The following GMEB2 variants were observed in gnomAD, a reference collection of about 807,000 sequenced individuals.
GMEB2 encodes the protein glucocorticoid modulatory element binding protein 2, also known as glucocorticoid modulatory element-binding protein 2.
Under a neutral mutation model 45.7 loss-of-function variants are expected in GMEB2, and 7 were observed. The observed-to-expected ratio is 0.15, with a 90% CI of 0.09 to 0.29. The LOEUF (loss-of-function observed/expected upper bound fraction) is 0.29. GMEB2 is among the 10% of genes least tolerant of loss of function. The pLI is 1.00. For missense variants in GMEB2, 582 were observed against 739.2 expected (o/e 0.79, Z 2.47); for synonymous variants, 322 against 323.6 (o/e 1.00, Z 0.05).
At position 63,588,817 on chromosome 20, in the gene GMEB2, G is replaced by C. The variant is rs1415862360; in HGVS notation, c.*1272C>G. ...CTGTTGGAGACGGCAGGAGGCCTGG[G>C]CTGGCTGCTCCCTGAGATGCCTGCC... On this transcript the variant is annotated 3_prime_UTR_variant, in exon 10 of 10. Coordinates refer to ENST00000370077, the MANE Select transcript of GMEB2 (RefSeq NM_012384.5). 2 of 398,606 alleles carry C rather than the reference G, an allele frequency of 5.0e-6. No homozygotes were observed. Among genetic ancestry groups the C allele is most frequent in the Non-Finnish European group, 4.4e-6 (1 of 226,122 alleles). The allele number at this position is 398,606 out of a possible 1,614,324, so 24.7% of individuals were successfully genotyped here. A position where few individuals can be genotyped will look rare whatever the true frequency, so the allele number is the denominator to read the frequency against.
chr20:63,620,971 G>A (rs940992578), intron 1 of GMEB2, among the ~76,000 whole-genome samples: 2 of 152,130 alleles, frequency 1.3e-5, no homozygotes, highest in African/African-American at 4.8e-5. Context: ...AGCAAACATT[G>A]TCAACCAAGT....
At chr20:63,620,226 T>G (rs1250950302) in intron 1 of GMEB2, among the ~76,000 whole-genome samples, 1 of 152,172 alleles carries the variant, frequency 6.6e-6, no homozygotes, top group Admixed American at 6.5e-5. Flanking sequence ...TTATTATTAT[T>G]TTGTCTTTCC....
Position 63,620,566 on chromosome 20 carries a change from G to A in GMEB2, c.-57-1112C>T, listed in dbSNP as rs1026585417. ...GTCTCTACGTGGTCCTGACCCTAAA[G>A]GGCAAAGGGAAGAAAACTGACCTAC... is the stretch of plus-strand genomic sequence containing the variant. On this transcript the variant is annotated intron_variant, in intron 1 of 9. Transcript: ENST00000370077. Among the ~76,000 whole-genome samples the A allele has an allele frequency of 3.3e-5, 5 of 152,328 alleles. No individual in the cohort carries two copies. The South Asian group carries it at 1.0e-3, about 32-fold the overall frequency.
chr20:63,604,071 C>G (rs140800513), intron 3 of GMEB2, among the ~76,000 whole-genome samples: 2 of 104,006 alleles, frequency 1.9e-5, no homozygotes, highest in African/African-American at 3.7e-5. Flanking sequence ...AAAAAAAAAA[C>G]AGAATTTTTA....
chr20:63,602,981 T>C lies in GMEB2; in HGVS notation c.341A>G (p.Asn114Ser). 1 of 1,614,090 alleles carries C rather than the reference T, an allele frequency of 6.2e-7. No homozygotes were observed. The highest frequency in any genetic ancestry group is 2.2e-5 in the East Asian group (1 of 44,886). ...IWRKFVCPGI[N>S]VKCVQYDEHV... Reference sequence around the variant, plus strand: ...TGTGCTCACCTGAACACATTTCACATTGATGCCGGGACACACAAACTTCCT... The same window carrying C: ...TGTGCTCACCTGAACACATTTCACACTGATGCCGGGACACACAAACTTCCT... Residue 114 changes from asparagine to serine, a missense_variant, in exon 4 of 10, where the codon AAT becomes AGT. Physicochemically the swap from Asn to Ser is conservative, Grantham distance 46 (BLOSUM62 1). Coordinates refer to ENST00000370077, the MANE Select transcript of GMEB2 (RefSeq NM_012384.5).
chr20:63,601,164 T>C (rs868082874), intron 4 of GMEB2, among the ~76,000 whole-genome samples: 1 of 152,222 alleles, frequency 6.6e-6, no homozygotes, highest in Non-Finnish European at 1.5e-5. Context: ...GATAGGTATA[T>C]AGACTCATAG....
chr20:63,605,518 G>A (rs560648674), intron 2 of GMEB2, among the ~76,000 whole-genome samples: 33 of 124,806 alleles, frequency 2.6e-4, no homozygotes, highest in South Asian at 1.4e-3. Context: ...GCAAGATGCC[G>A]TCAAAATTAA....
At chr20:63,602,202 G>A (rs571904796) in intron 4 of GMEB2, among the ~76,000 whole-genome samples, 120 of 152,370 alleles carry the variant, frequency 7.9e-4, no homozygotes, top group African/African-American at 2.6e-3. Flanking sequence ...GGGAGCCACT[G>A]ATAACGACAC....
At chr20:63,595,828 G>C (rs759615633) in intron 5 of GMEB2, 61 bp from the exon 6 acceptor site, 1 of 1,515,056 alleles carries the variant, frequency 6.6e-7, no homozygotes, top group Non-Finnish European at 9.1e-7. Context: ...CACCTGGCCC[G>C]CCCACCCTGA....
chr20:63,593,244 C>G lies in GMEB2; in HGVS notation c.620-162G>C, dbSNP rs2146046625. ...ACTAGTACAGCCAAAGTGTACCTGCCTTATATTTTATGGCTATTTTTAATC... is the reference window on the plus strand; with the variant it reads ...ACTAGTACAGCCAAAGTGTACCTGCGTTATATTTTATGGCTATTTTTAATC... On this transcript the variant is annotated intron_variant, in intron 6 of 9. Transcript: ENST00000370077. This position sits in a 1 kb window ranked among gnomAD's most constrained non-coding sequence, Gnocchi z 4.7. Among the ~76,000 whole-genome samples the G allele has an allele frequency of 6.6e-6, 1 of 152,242 alleles. No homozygotes were observed. Among genetic ancestry groups the G allele is most frequent in the East Asian group, 1.9e-4 (1 of 5,178 alleles).
rs866638311 is a variant in GMEB2, at chr20:63,587,754, A to G, written c.*2335T>C. ...CCTCTGCAAAATCCAATCCAATCCTATCTTCTCAGAAAACCAAACCAAAGG... is the reference window on the plus strand; with the variant it reads ...CCTCTGCAAAATCCAATCCAATCCTGTCTTCTCAGAAAACCAAACCAAAGG... On this transcript the variant is annotated 3_prime_UTR_variant, in exon 10 of 10. Transcript: ENST00000370077. 2.0e-5 allele frequency: 3 copies of G among 152,368 alleles called. No individual in the cohort carries two copies. The highest frequency in any genetic ancestry group is 1.9e-4 in the East Asian group (1 of 5,326). 9.4% of individuals were successfully genotyped at this position (152,368 alleles called of 1,614,324 possible).
In GMEB2 at chr20:63,598,754, C is replaced by A. The variant is rs395791; in HGVS notation, c.358-894G>T. ...CTCATGCGGCTGATCAGGGAGATCC[C>A]ATAGAAGTCCAGAAGGTGGAATCCA... On this transcript the variant is annotated intron_variant, in intron 4 of 9. Coordinates refer to ENST00000370077, the MANE Select transcript of GMEB2 (RefSeq NM_012384.5). Among the ~76,000 whole-genome samples the A allele has an allele frequency of 6.0e-4, 91 of 152,234 alleles. 1 individual carries two copies. Among genetic ancestry groups the A allele is most frequent in the African/African-American group, 2.0e-3 (85 of 41,526 alleles).
At chr20:63,621,917 G>A (rs574081743) in intron 1 of GMEB2, among the ~76,000 whole-genome samples, 62 of 151,508 alleles carry the variant, frequency 4.1e-4, no homozygotes, top group Non-Finnish European at 7.8e-4. Flanking sequence ...TGAGCTCAGG[G>A]GTTTGAGACC....
intron 1 of GMEB2, among the ~76,000 whole-genome samples, chr20:63,620,569 C>T (rs144017231): frequency 0.013 from 1,952 of 152,280 alleles, 19 homozygotes; most frequent in Middle Eastern, 0.048. Flanking sequence ...CCCTAAAGGG[C>T]AAAGGGAAGA....
chr20:63,593,137 C>T lies in GMEB2; in HGVS notation c.620-55G>A. ...GCTGTTTGGACCACAGTCCCACACC[C>T]CACATACCCTGTCCACCCTCCTCAC... On this transcript the variant is annotated intron_variant, in intron 6 of 9. Coordinates refer to ENST00000370077, the MANE Select transcript of GMEB2 (RefSeq NM_012384.5). The surrounding 1 kb of genome is among the most constrained non-coding windows in gnomAD (Gnocchi z 4.7). 1.9e-6 allele frequency: 2 copies of T among 1,039,898 alleles called. No homozygotes were observed. Among genetic ancestry groups the T allele is most frequent in the Non-Finnish European group, 3.0e-6 (2 of 669,492 alleles). 64.4% of individuals were successfully genotyped at this position (1,039,898 alleles called of 1,614,324 possible). A position where few individuals can be genotyped will look rare whatever the true frequency, so the allele number is the denominator to read the frequency against.
Position 63,592,551 on chromosome 20 carries a change from G to A in GMEB2, c.811C>T (p.Pro271Ser). The change falls in exon 8 of 10, where the codon CCT becomes TCT. Residue 271 changes from proline (P) to serine (S), a missense_variant. Pro to Ser is a moderately conservative substitution (Grantham distance 74). This residue lies in a region of GMEB2 where 462 missense variants were observed against 586.7 expected (regional missense o/e 0.79). Coordinates refer to ENST00000370077, the MANE Select transcript of GMEB2 (RefSeq NM_012384.5). This position sits in a 1 kb window ranked among gnomAD's most constrained non-coding sequence, Gnocchi z 8.2. Reference protein sequence around the residue: ...MRGLQQRVQDPPLQLRDAVLL... With the variant: ...MRGLQQRVQDSPLQLRDAVLL... ...TTCTCACCTCGAAGCTGCAGGGGAG[G>A]GTCCTGGACCCGCTGCTGCAGGCCT... The A allele has an allele frequency of 6.2e-7, 1 of 1,611,776 alleles. No individual in the cohort carries two copies. The highest frequency in any genetic ancestry group is 8.5e-7 in the Non-Finnish European group (1 of 1,178,424).
rs1348367772 is a variant in GMEB2 at position 63,604,037 on chromosome 20, G to T, written c.229+706C>A. Among the ~76,000 whole-genome samples the T allele has an allele frequency of 5.0e-5, 7 of 139,320 alleles. No individual in the cohort carries two copies. The East Asian group carries it at 1.5e-3, about 30-fold the overall frequency. 91.4% of individuals were successfully genotyped at this position (139,320 alleles called of 152,430 possible). A position where few individuals can be genotyped will look rare whatever the true frequency, so the allele number is the denominator to read the frequency against. On this transcript the variant is annotated intron_variant, in intron 3 of 9. Coordinates refer to ENST00000370077, the MANE Select transcript of GMEB2 (RefSeq NM_012384.5). Reference sequence around the variant, plus strand: ...CCATCACACTCTAGCCTGGGCGACAGAGTGAGACTCCGTCTCAAAAAAAAA... The same window carrying T: ...CCATCACACTCTAGCCTGGGCGACATAGTGAGACTCCGTCTCAAAAAAAAA...
intron 2 of GMEB2, among the ~76,000 whole-genome samples, chr20:63,614,442 G>A (rs934975095): frequency 1.3e-5 from 2 of 152,218 alleles, no homozygotes; most frequent in Non-Finnish European, 2.9e-5. Context: ...GAAGACGCCC[G>A]TTGCCAAGTG....
intron 2 of GMEB2, among the ~76,000 whole-genome samples, chr20:63,612,357 G>A (rs544116078): frequency 1.3e-5 from 2 of 152,194 alleles, no homozygotes; most frequent in East Asian, 1.9e-4. Flanking sequence ...GTCTGCCACC[G>A]CACGCTCAGT....
Sources: allele counts gnomAD v4.1 joint callset (sites outside exome capture counted in the v4.1 genomes callset), GRCh38; gene constraint gnomAD v4.1.1; regional missense constraint gnomAD v4.1.1; non-coding constraint Gnocchi (gnomAD v3.1); transcripts MANE v1.5; gene names NCBI Gene and HGNC (gene_info 2026-07-23, HGNC 2026-07-21).